The following SEC14L3 variants were observed in gnomAD, a reference collection of about 807,000 sequenced individuals.
The protein encoded by SEC14L3 is SEC14 like lipid binding 3.
SEC14L3 carries 56 observed loss-of-function variants against 57.4 expected under a neutral mutation model. The observed-to-expected ratio is 0.97, with a 90% CI of 0.79 to 1.22. SEC14L3 has a LOEUF of 1.22. Ranked by LOEUF, SEC14L3 falls within the 50% of genes most tolerant of loss-of-function variation. The pLI is 0.00. For missense variants in SEC14L3, 485 were observed against 511.7 expected, an observed-to-expected ratio of 0.95 and a Z score of 0.50; for synonymous variants, 173 against 194.4, an observed-to-expected ratio of 0.89 and a Z score of 0.92.
At chr22:30,470,695 T>C (rs556824394) in intron 1 of SEC14L3, 113 bp from the exon 2 acceptor site, 38 of 1,542,046 alleles carry the variant, frequency 2.5e-5, no homozygotes, top group Admixed American at 2.4e-4. Context: ...ATGGCCCACA[T>C]TGATGAAAGG....
rs543584324 is a variant in SEC14L3, at chr22:30,459,345, C to T, written c.*676G>A. ...AAGTGGGTTAGGGTGGGAAGCTGAG[C>T]GTGCAAGTCAGACAAAGCCTGATGT... On this transcript the variant is annotated 3_prime_UTR_variant, in exon 12 of 12. Coordinates refer to ENST00000215812, the MANE Select transcript of SEC14L3 (RefSeq NM_174975.5). The T allele has an allele frequency of 9.1e-6, 9 of 985,412 alleles. No homozygotes were observed. The highest frequency in any genetic ancestry group is 7.0e-5 in the African/African-American group (4 of 57,336). The allele number at this position is 985,412 out of a possible 1,614,324, so 61.0% of individuals were successfully genotyped here. A position where few individuals can be genotyped will look rare whatever the true frequency, so the allele number is the denominator to read the frequency against.
chr22:30,453,572 C>T (rs971593912), intron 12 of SEC14L3, among the ~76,000 whole-genome samples: 2 of 152,150 alleles, frequency 1.3e-5, no homozygotes, highest in Non-Finnish European at 2.9e-5. Flanking sequence ...ACCACCACGC[C>T]CAGCTAATTC....
At chr22:30,455,719 G>A (rs80249764), downstream of SEC14L3, among the ~76,000 whole-genome samples, 1,309 of 152,010 alleles carry the variant, frequency 8.6e-3, 46 homozygotes, top group East Asian at 0.069. Flanking sequence ...GTTGCCCACC[G>A]GTGTCCCTGG....
rs779756361 is a variant in SEC14L3 at position 30,470,006 on chromosome 22, G to A, written c.234+13C>T. The A allele has an allele frequency of 5.9e-6, 9 of 1,528,572 alleles. No homozygotes were observed. Among genetic ancestry groups the A allele is most frequent in the Admixed American group, 2.1e-5 (1 of 48,368 alleles). The allele number at this position is 1,528,572 out of a possible 1,614,324, so 94.7% of individuals were successfully genotyped here. A position where few individuals can be genotyped will look rare whatever the true frequency, so the allele number is the denominator to read the frequency against. On this transcript the variant is annotated intron_variant, in intron 4 of 11. Coordinates refer to ENST00000215812, the MANE Select transcript of SEC14L3 (RefSeq NM_174975.5). ...TCCGTGAAAGACTGAGGTGTTTGGC[G>A]GTGTTGGCTCACCTCTGGGGGCTGC...
intron 7 of SEC14L3, among the ~76,000 whole-genome samples, chr22:30,465,814 A>G (rs1935399367): frequency 6.6e-6 from 1 of 152,216 alleles, no homozygotes; most frequent in African/African-American, 2.4e-5. Context: ...CAACTGATCA[A>G]CCAACTAGCC....
At chr22:30,466,886 T>G in intron 6 of SEC14L3, 96 bp downstream of exon 6, 2 of 1,223,774 alleles carry the variant, frequency 1.6e-6, no homozygotes, top group Admixed American at 2.3e-5. Flanking sequence ...CAGGACATTT[T>G]TAAACTAAAT....
Position 30,468,597 on chromosome 22 carries a change from G to C in SEC14L3, c.334C>G (p.Leu112Val). Residue 112 changes from leucine (L) to valine (V), a missense_variant, in exon 5 of 12, where the codon CTC becomes GTC. Physicochemically the swap from Leu to Val is conservative, Grantham distance 32. Coordinates refer to ENST00000215812, the MANE Select transcript of SEC14L3 (RefSeq NM_174975.5). Reference protein sequence around the residue: ...IIGPLDPKGLLFSVTKQDLLK... With the variant: ...IIGPLDPKGLVFSVTKQDLLK... ...AGGTCCTGCTTGGTGACTGAGAAGA[G>C]CAACCCCTTGGGATCAAGTGGCCCA... is the stretch of plus-strand genomic sequence containing the variant. The C allele has an allele frequency of 6.2e-7, 1 of 1,613,934 alleles. No individual in the cohort carries two copies. The highest frequency in any genetic ancestry group is 8.5e-7 in the Non-Finnish European group (1 of 1,180,022).
At chr22:30,453,641 G>A (rs1032279703) in intron 12 of SEC14L3, among the ~76,000 whole-genome samples, 5 of 152,114 alleles carry the variant, frequency 3.3e-5, no homozygotes, top group African/African-American at 4.8e-5. Context: ...TCAAACTCCC[G>A]ACCTCAAATG....
intron 6 of SEC14L3, 91 bp downstream of exon 6, chr22:30,466,891 C>T: frequency 7.9e-7 from 1 of 1,270,088 alleles, no homozygotes. Context: ...CATTTTTAAA[C>T]TAAATCTTGG....
intron 5 of SEC14L3, among the ~76,000 whole-genome samples, chr22:30,467,314 T>C (rs574408284): frequency 6.8e-6 from 1 of 146,810 alleles, no homozygotes; most frequent in East Asian, 2.1e-4. Flanking sequence ...CACCCCCGTA[T>C]ATATCAACTT....
chr22:30,462,287 C>A (rs1396963294), intron 8 of SEC14L3, 95 bp from the exon 9 acceptor site: 1 of 1,474,142 alleles, frequency 6.8e-7, no homozygotes, highest in South Asian at 1.4e-5. Context: ...GGGGAGAAGC[C>A]CTATAGGAGG....
At chr22:30,449,573 T>C (rs1001355438) in intron 12 of SEC14L3, among the ~76,000 whole-genome samples, 1 of 150,476 alleles carries the variant, frequency 6.6e-6, no homozygotes, top group African/African-American at 2.5e-5. Context: ...CTTTTCTTTT[T>C]TTTTTTTTTG....
chr22:30,452,969 C>T (rs752262796), intron 12 of SEC14L3, among the ~76,000 whole-genome samples: 3 of 152,106 alleles, frequency 2.0e-5, no homozygotes, highest in African/African-American at 4.8e-5. Flanking sequence ...CAGCCCACCT[C>T]GGCCTCCCAA....
At chr22:30,451,931 G>A (rs889705747) in intron 12 of SEC14L3, among the ~76,000 whole-genome samples, 3 of 135,404 alleles carry the variant, frequency 2.2e-5, no homozygotes, top group African/African-American at 8.5e-5. Flanking sequence ...GACAGAGCTT[G>A]CAGTGAGCCA....
exon 13 of SEC14L3, chr22:30,448,746 C>A: frequency 1.0e-5 from 2 of 196,866 alleles, no homozygotes; most frequent in Admixed American, 5.6e-5. Flanking sequence ...AGAAAAAAAA[C>A]CCAGGCATGG....
rs1287281987 is a variant in SEC14L3, at chr22:30,466,320, C to G, written c.580+14G>C. 9 of 1,611,204 alleles carry G rather than the reference C, an allele frequency of 5.6e-6. No individual in the cohort carries two copies. Among genetic ancestry groups the G allele is most frequent in the Non-Finnish European group, 7.6e-6 (9 of 1,177,538 alleles). On this transcript the variant is annotated intron_variant, in intron 7 of 11. Transcript: ENST00000215812. ...AAACAGAGGCACAAGTAAGTGAAGT[C>G]ATTTGTCACATACCTTTCACGATGA...
In SEC14L3 at chr22:30,461,496, G is replaced by A; in HGVS notation, c.912-17C>T. 2 of 1,613,240 alleles carry A rather than the reference G, an allele frequency of 1.2e-6. No individual in the cohort carries two copies. Among genetic ancestry groups the A allele is most frequent in the Non-Finnish European group, 1.7e-6 (2 of 1,179,346 alleles). Reference sequence around the variant, plus strand: ...AACTGCCACCTGTCAGGGGGAGGGGGAGGAGACAGGTTGCTGCTCAGCCTG... The same window carrying A: ...AACTGCCACCTGTCAGGGGGAGGGGAAGGAGACAGGTTGCTGCTCAGCCTG... On this transcript the variant is annotated splice_polypyrimidine_tract_variant and intron_variant, in intron 10 of 11. Transcript: ENST00000215812.
At position 30,470,034 on chromosome 22, in the gene SEC14L3, A is replaced by T; in HGVS notation, c.219T>A (p.Asp73Glu). Residue 73 changes from aspartate (D) to glutamate (E), a missense_variant, in exon 4 of 12, where the codon GAT becomes GAA. By Grantham distance (45) the Asp-to-Glu change is conservative. Transcript: ENST00000215812. ...GTTGGCTCACCTCTGGGGGCTGCCA[A>T]TCAAGGATATGGTCAATATCCATGG... ...RKTMDIDHILDWQPPEVIQKY... is the reference protein window; with the variant it reads ...RKTMDIDHILEWQPPEVIQKY... 6.3e-7 allele frequency: 1 copy of T among 1,575,666 alleles called. No homozygotes were observed. The highest frequency in any genetic ancestry group is 8.6e-7 in the Non-Finnish European group (1 of 1,159,908).
chr22:30,458,209 C>T (rs1444734313), downstream of SEC14L3, among the ~76,000 whole-genome samples: 1 of 152,202 alleles, frequency 6.6e-6, no homozygotes, highest in Non-Finnish European at 1.5e-5. Flanking sequence ...TTCACGTCCC[C>T]GAATCACAGC....
Sources: allele counts gnomAD v4.1 joint callset (sites outside exome capture counted in the v4.1 genomes callset), GRCh38; gene constraint gnomAD v4.1.1; transcripts MANE v1.5; gene names NCBI Gene and HGNC (gene_info 2026-07-23, HGNC 2026-07-21).